The following RHAG variants were observed in gnomAD, a reference collection of about 807,000 sequenced individuals.
RHAG encodes Rh associated glycoprotein.
In RHAG, 25 loss-of-function variants were observed where a neutral mutation model predicts 42.4. The ratio of observed to expected loss-of-function variants is 0.59; its 90% CI spans 0.43 to 0.82. The LOEUF (loss-of-function observed/expected upper bound fraction) is 0.82. Ranked by LOEUF, RHAG falls within the 40% of genes least tolerant of loss-of-function variation. The pLI is 0.00. For synonymous variants in RHAG, 182 were observed against 177.7 expected (o/e 1.02, Z -0.19); for missense variants, 483 against 504.6 (o/e 0.96, Z 0.41).
chr6:49,629,917 G>A lies in RHAG; in HGVS notation c.157+6739C>T, dbSNP rs185732337. 7.6e-3 allele frequency among the ~76,000 whole-genome samples: 1,164 copies of A among 152,258 alleles called. 12 individuals are homozygous for A. Among genetic ancestry groups the A allele is most frequent in the Non-Finnish European group, 0.013 (863 of 68,010 alleles). On this transcript the variant is annotated intron_variant, in intron 1 of 9. Coordinates refer to ENST00000371175, the MANE Select transcript of RHAG (RefSeq NM_000324.3). ...AGAGCCGCACGCAGCCCCGGTTCCCGCTCGCGCCTCTCCCTCCACACCTCC... is the reference window on the plus strand; with the variant it reads ...AGAGCCGCACGCAGCCCCGGTTCCCACTCGCGCCTCTCCCTCCACACCTCC...
At chr6:49,612,071 A>G (rs1230310369) in intron 6 of RHAG, among the ~76,000 whole-genome samples, 1 of 152,108 alleles carries the variant, frequency 6.6e-6, no homozygotes, top group African/African-American at 2.4e-5. Context: ...CTCTTAAAAG[A>G]GCAGAGTCCT....
chr6:49,636,610 C>T, intron 1 of RHAG, 46 bp downstream of exon 1: 1 of 1,596,560 alleles, frequency 6.3e-7, no homozygotes, highest in Non-Finnish European at 8.6e-7. Flanking sequence ...TTCTGAGAAA[C>T]CGAAGAACCG....
In RHAG at chr6:49,626,877, T is replaced by C. The variant is rs574333205; in HGVS notation, c.158-7515A>G. On this transcript the variant is annotated intron_variant, in intron 1 of 9. Coordinates refer to ENST00000371175, the MANE Select transcript of RHAG (RefSeq NM_000324.3). Reference sequence around the variant, plus strand: ...AATACCACATGTAAACTGCCAGGACTTGGGGCTTGCACCCGCTGAAGAAAC... The same window carrying C: ...AATACCACATGTAAACTGCCAGGACCTGGGGCTTGCACCCGCTGAAGAAAC... 3.3e-5 allele frequency among the ~76,000 whole-genome samples: 5 copies of C among 152,394 alleles called. 1 individual carries two copies. The South Asian group carries it at 1.0e-3, about 32-fold the overall frequency.
intron 7 of RHAG, among the ~76,000 whole-genome samples, chr6:49,610,398 C>A (rs923542308): frequency 1.3e-5 from 2 of 152,018 alleles, no homozygotes; most frequent in African/African-American, 4.8e-5. Context: ...GTTGTTTTTC[C>A]TCTGGTCATT....
intron 7 of RHAG, among the ~76,000 whole-genome samples, chr6:49,610,426 C>T (rs1762554031): frequency 6.6e-6 from 1 of 151,980 alleles, no homozygotes. Flanking sequence ...ACATTTATAC[C>T]CAACTTAGGG....
chr6:49,636,082 T>A (rs1763006098), intron 1 of RHAG, among the ~76,000 whole-genome samples: 1 of 152,154 alleles, frequency 6.6e-6, no homozygotes, highest in African/African-American at 2.4e-5. Context: ...ATTTTGTTTT[T>A]AAAATATGTT....
chr6:49,630,500 T>G (rs1455774384), intron 1 of RHAG, among the ~76,000 whole-genome samples: 2 of 152,204 alleles, frequency 1.3e-5, no homozygotes, highest in African/African-American at 4.8e-5. Context: ...ACATATAACT[T>G]TTTGGCAATC....
Position 49,605,742 on chromosome 6 carries a change from A to G in RHAG, c.*71T>C. ...TGGATAATGGGAAAGGAAGCTGGAG[A>G]GCAGGAATGGTGTTTAGACTTCAGG... On this transcript the variant is annotated 3_prime_UTR_variant, in exon 10 of 10. Transcript: ENST00000371175. The G allele has an allele frequency of 1.5e-6, 2 of 1,331,966 alleles. No individual in the cohort carries two copies. The highest frequency in any genetic ancestry group is 2.2e-6 in the Non-Finnish European group (2 of 922,578). 82.5% of individuals were successfully genotyped at this position (1,331,966 alleles called of 1,614,324 possible).
intron 1 of RHAG, chr6:49,632,122 T>C (rs548422030): frequency 6.6e-6 from 1 of 152,216 alleles, no homozygotes; most frequent in African/African-American, 2.4e-5. Flanking sequence ...TATTTGCCTT[T>C]TGTGTATGAC....
intron 5 of RHAG, among the ~76,000 whole-genome samples, chr6:49,614,186 T>C (rs1762611872): frequency 1.3e-5 from 2 of 151,696 alleles, no homozygotes; most frequent in Admixed American, 1.3e-4. Context: ...CAAAAATTTT[T>C]TTTTTCTTTT....
At chr6:49,636,381 G>T (rs1763010125) in intron 1 of RHAG, among the ~76,000 whole-genome samples, 1 of 152,062 alleles carries the variant, frequency 6.6e-6, no homozygotes. Flanking sequence ...GAAGGAAAAA[G>T]GTCATTTAGC....
In RHAG at chr6:49,619,172, T is replaced by G; in HGVS notation, c.341+7A>C. 1 of 1,613,860 alleles carries G rather than the reference T, an allele frequency of 6.2e-7. No individual in the cohort carries two copies. The highest frequency in any genetic ancestry group is 8.5e-7 in the Non-Finnish European group (1 of 1,179,770). The stretch of plus-strand genomic sequence containing the variant: ...GCAAACATTCAGCCCACAGTAAGGA[T>G]GCTCACTTTTTGATTCCAATGTTAA... On this transcript the variant is annotated splice_region_variant and intron_variant, in intron 2 of 9. Transcript: ENST00000371175.
chr6:49,617,544 G>T (rs1445317807), intron 3 of RHAG, among the ~76,000 whole-genome samples: 1 of 152,166 alleles, frequency 6.6e-6, no homozygotes, highest in Non-Finnish European at 1.5e-5. Flanking sequence ...AATGTTAATA[G>T]AAATACAAAC....
chr6:49,611,408 TCTC>T lies in RHAG; in HGVS notation c.946-266_946-264del, dbSNP rs376150614. On this transcript the variant is annotated intron_variant, in intron 6 of 9. Transcript: ENST00000371175. ...TTTTTGTGTTAAGAGTAGCTAAAAATCTCCTCATTTAGAATAAATTCTATGTAC... is the reference window on the plus strand; with the variant it reads ...TTTTTGTGTTAAGAGTAGCTAAAAATCTCATTTAGAATAAATTCTATGTAC... Among the ~76,000 whole-genome samples, 567 of 152,246 alleles carry T rather than the reference TCTC, an allele frequency of 3.7e-3. 4 individuals are homozygous for T. The highest frequency in any genetic ancestry group is 0.013 in the African/African-American group (544 of 41,530).
chr6:49,618,837 C>A (rs9473626), intron 2 of RHAG, among the ~76,000 whole-genome samples: 37,622 of 151,996 alleles, frequency 0.25, 5,155 homozygotes, highest in Admixed American at 0.38. Flanking sequence ...TAACAAAATA[C>A]CATAAACTGG....
At chr6:49,628,691 T>G (rs561548587) in intron 1 of RHAG, among the ~76,000 whole-genome samples, 1 of 151,396 alleles carries the variant, frequency 6.6e-6, no homozygotes, top group South Asian at 2.1e-4. Flanking sequence ...CTCGCTGGCT[T>G]CAGGAGTGAA....
At chr6:49,623,128 G>A (rs1010317622) in intron 1 of RHAG, among the ~76,000 whole-genome samples, 5 of 152,274 alleles carry the variant, frequency 3.3e-5, no homozygotes, top group Admixed American at 2.0e-4. Flanking sequence ...GTGAGCCACC[G>A]CGCCCGGCCA....
intron 5 of RHAG, among the ~76,000 whole-genome samples, chr6:49,614,424 A>G (rs1581939937): frequency 2.0e-5 from 3 of 150,026 alleles, no homozygotes; most frequent in East Asian, 3.9e-4. Flanking sequence ...CTTGTCTTGA[A>G]CTCTTGACCT....
intron 4 of RHAG, chr6:49,615,373 A>G (rs1244737615): frequency 5.8e-6 from 2 of 342,302 alleles, no homozygotes; most frequent in African/African-American, 2.1e-5. Context: ...TCATTTTTTC[A>G]AAGTTTAATT....
Sources: allele counts gnomAD v4.1 joint callset (sites outside exome capture counted in the v4.1 genomes callset), GRCh38; gene constraint gnomAD v4.1.1; transcripts MANE v1.5; gene names NCBI Gene and HGNC (gene_info 2026-07-23, HGNC 2026-07-21).